The following FAT3 variants were observed in gnomAD, a reference collection of about 807,000 sequenced individuals.
FAT3 encodes the protein FAT atypical cadherin 3.
A neutral mutation model predicts 310.2 loss-of-function variants in FAT3; 95 were observed. The ratio of observed to expected loss-of-function variants is 0.31; its 90% CI spans 0.26 to 0.36. The LOEUF (loss-of-function observed/expected upper bound fraction) is 0.36, where lower values mean the gene tolerates loss of function less well. Among genes scored for constraint, FAT3 ranks in the 10% least tolerant of loss-of-function variants. The pLI is 1.00. For missense variants in FAT3, 5,408 were observed against 5,715.6 expected (o/e 0.95, Z 1.74); for synonymous variants, 2,314 against 2,192.9 (o/e 1.06, Z -1.54).
In FAT3 at chr11:92,792,780, A is replaced by T. The variant is rs2136163561; in HGVS notation, c.4625A>T (p.Glu1542Val). ...HILNIMVRDQ[E>V]FPYRRNLARV... ...TTTTGCCTAAAGGTCAGAGATCAGG[A>T]GTTTCCTTATCGAAGAAACTTGGCC... is the stretch of plus-strand genomic sequence containing the variant. Residue 1542 changes from glutamate (E) to valine (V), a missense_variant, in exon 9 of 28, where the codon GAG (glutamate) becomes GTG (valine). Transcript: ENST00000525166. 6.2e-7 allele frequency: 1 copy of T among 1,613,760 alleles called. No individual in the cohort carries two copies. Among genetic ancestry groups the T allele is most frequent in the South Asian group, 1.1e-5 (1 of 91,078 alleles).
At chr11:92,625,921 T>G (rs1210037076) in intron 3 of FAT3, among the ~76,000 whole-genome samples, 1 of 152,152 alleles carries the variant, frequency 6.6e-6, no homozygotes, top group Non-Finnish European at 1.5e-5. Flanking sequence ...TGGGTTTAAT[T>G]AAAGTACTGA....
At chr11:92,495,504 A>C (rs1158671139) in intron 2 of FAT3, among the ~76,000 whole-genome samples, 1 of 152,094 alleles carries the variant, frequency 6.6e-6, no homozygotes, top group Non-Finnish European at 1.5e-5. Context: ...GCTTAGGAGC[A>C]CATTATCTCT....
At chr11:92,383,924 C>T (rs1260496243) in intron 2 of FAT3, among the ~76,000 whole-genome samples, 1 of 152,084 alleles carries the variant, frequency 6.6e-6, no homozygotes, top group Non-Finnish European at 1.5e-5. Flanking sequence ...TATTCCTTTT[C>T]CTGCTAATCC....
At chr11:92,793,555 A>T (rs1432768997) in intron 9 of FAT3, among the ~76,000 whole-genome samples, 2 of 152,208 alleles carry the variant, frequency 1.3e-5, no homozygotes, top group African/African-American at 2.4e-5. Context: ...GAGATGTTTT[A>T]AAATTAATTT....
At chr11:92,620,546 AT>A (rs570228808) in intron 3 of FAT3, among the ~76,000 whole-genome samples, 4 of 151,974 alleles carry the variant, frequency 2.6e-5, no homozygotes, top group Admixed American at 6.6e-5. Flanking sequence ...AATAATCTTG[AT>A]TTTTTTTAAC....
chr11:92,820,296 C>T (rs907641810), intron 13 of FAT3, among the ~76,000 whole-genome samples: 1 of 152,136 alleles, frequency 6.6e-6, no homozygotes, highest in Admixed American at 6.5e-5. Flanking sequence ...TTCACATGGC[C>T]TTTCCTAGGT....
chr11:92,233,479 C>A (rs182114136), intron 1 of FAT3, among the ~76,000 whole-genome samples: 2 of 152,286 alleles, frequency 1.3e-5, no homozygotes, highest in Admixed American at 6.5e-5. Flanking sequence ...TTATCTTGGA[C>A]TAATTTTTTC....
chr11:92,411,267 G>A (rs1012712040), intron 2 of FAT3, among the ~76,000 whole-genome samples: 1 of 150,576 alleles, frequency 6.6e-6, no homozygotes, highest in African/African-American at 2.4e-5. Context: ...TGTTTTTTGA[G>A]CCCTGCCATG....
intron 2 of FAT3, among the ~76,000 whole-genome samples, chr11:92,370,444 C>G (rs1402876150): frequency 6.6e-6 from 1 of 152,172 alleles, no homozygotes; most frequent in African/African-American, 2.4e-5. Context: ...CGTGTTGGTC[C>G]TCTGTCCTCA....
At chr11:92,480,073 G>A (rs1952176273) in intron 2 of FAT3, among the ~76,000 whole-genome samples, 1 of 152,116 alleles carries the variant, frequency 6.6e-6, no homozygotes, top group Non-Finnish European at 1.5e-5. Flanking sequence ...AGACCATCCT[G>A]GCTAACACGG....
intron 4 of FAT3, among the ~76,000 whole-genome samples, chr11:92,734,768 G>T (rs1400006589): frequency 6.6e-6 from 1 of 152,120 alleles, no homozygotes; most frequent in African/African-American, 2.4e-5. Context: ...AGGAAGAGTA[G>T]GCACAGCGTG....
chr11:92,517,277 A>G (rs1953517960), intron 2 of FAT3, among the ~76,000 whole-genome samples: 1 of 152,180 alleles, frequency 6.6e-6, no homozygotes, highest in South Asian at 2.1e-4. Context: ...CTGATACCAA[A>G]ACAAATATAT....
intron 2 of FAT3, among the ~76,000 whole-genome samples, chr11:92,427,252 T>A (rs1482158557): frequency 6.6e-6 from 1 of 152,246 alleles, no homozygotes; most frequent in African/African-American, 2.4e-5. Flanking sequence ...AAGTTGCTTA[T>A]CAGCTTAAGG....
At chr11:92,518,003 GT>G (rs1329590763) in intron 2 of FAT3, among the ~76,000 whole-genome samples, 1 of 152,034 alleles carries the variant, frequency 6.6e-6, no homozygotes, top group Non-Finnish European at 1.5e-5. Flanking sequence ...AGAAATAGGA[GT>G]GCTTTTACAC....
At chr11:92,537,757 T>C (rs1422387585) in intron 3 of FAT3, among the ~76,000 whole-genome samples, 1 of 152,190 alleles carries the variant, frequency 6.6e-6, no homozygotes, top group Non-Finnish European at 1.5e-5. Flanking sequence ...TACGTAATTT[T>C]GCTGTCAACG....
chr11:92,801,707 T>C lies in FAT3; in HGVS notation c.8694T>C (p.Leu2898=). ...CCTTCTCTGTGGTGGCCTCTGACCT[T>C]GGAGAGGCATTCTCTCTTTCCTCCA... The part of the protein sequence containing the change: ...TFTFSVVASD[L]GEAFSLSSTA... The change falls in exon 10 of 28, where the codon CTT becomes CTC. Residue 2898 remains leucine (L), a synonymous_variant. Coordinates refer to ENST00000525166, the MANE Select transcript of FAT3 (RefSeq NM_001367949.2). 6.2e-7 allele frequency: 1 copy of C among 1,613,866 alleles called. No individual in the cohort carries two copies. Among genetic ancestry groups the C allele is most frequent in the South Asian group, 1.1e-5 (1 of 91,066 alleles).
chr11:92,245,670 A>G (rs1591000410), intron 1 of FAT3, among the ~76,000 whole-genome samples: 1 of 152,152 alleles, frequency 6.6e-6, no homozygotes, highest in South Asian at 2.1e-4. Flanking sequence ...CAACTATTCA[A>G]CTCTGCCTTT....
At position 92,790,111 on chromosome 11, in the gene FAT3, G is replaced by T; in HGVS notation, c.4504G>T (p.Asp1502Tyr). ...GAGCTACACTGTTCATAGCAGCATCGACTCCATCAGCATGAGAAAATTCCG... is the reference window on the plus strand; with the variant it reads ...GAGCTACACTGTTCATAGCAGCATCTACTCCATCAGCATGAGAAAATTCCG... ...KLSYTVHSSI[D>Y]SISMRKFRID... Residue 1502 changes from aspartate to tyrosine, a missense_variant, in exon 8 of 28, where the codon GAC (aspartate) becomes TAC (tyrosine). Around this residue, in one of 5 missense-constraint regions of FAT3, gnomAD observed 4,588 missense variants for 4,809.8 expected, o/e 0.95. Coordinates refer to ENST00000525166, the MANE Select transcript of FAT3 (RefSeq NM_001367949.2). 6.2e-7 allele frequency: 1 copy of T among 1,613,732 alleles called. No individual in the cohort carries two copies. The highest frequency in any genetic ancestry group is 8.5e-7 in the Non-Finnish European group (1 of 1,179,734).
At chr11:92,724,581 G>A (rs1208520989) in intron 4 of FAT3, among the ~76,000 whole-genome samples, 1 of 152,122 alleles carries the variant, frequency 6.6e-6, no homozygotes, top group African/African-American at 2.4e-5. Flanking sequence ...AGCTAAATCT[G>A]GTTTTGTGCT....
Sources: allele counts gnomAD v4.1 joint callset (sites outside exome capture counted in the v4.1 genomes callset), GRCh38; gene constraint gnomAD v4.1.1; regional missense constraint gnomAD v4.1.1; transcripts MANE v1.5; gene names NCBI Gene and HGNC (gene_info 2026-07-23, HGNC 2026-07-21).